EFCAB12: variants seen among roughly 807,000 people sequenced by gnomAD.
EFCAB12 encodes EF-hand calcium-binding domain-containing protein 12.
A neutral mutation model predicts 53.6 loss-of-function variants in EFCAB12; 43 were observed. That is an observed-to-expected ratio of 0.80 (90% CI 0.63 to 1.03). The LOEUF is 1.03. Ranked by LOEUF, EFCAB12 falls within the 50% of genes least tolerant of loss-of-function variation. The probability of loss-of-function intolerance (pLI) is 0.00; values close to 1 mark genes in which losing one functional copy is unlikely to be tolerated. For synonymous variants in EFCAB12, 269 were observed against 289.2 expected (o/e 0.93, Z 0.71); for missense variants, 646 against 730.6 (o/e 0.88, Z 1.34).
chr3:129,418,444 T>C lies in EFCAB12; in HGVS notation c.491A>G (p.Lys164Arg). The change falls in exon 3 of 9, where the codon AAA becomes AGA. Residue 164 changes from lysine (K) to arginine (R), a missense_variant. Transcript: ENST00000505956. ...SQATTRTTRK[K>R]APRLSRLSRQ... ...GGACAGCCGGGAGAGCCTGGGGGCT[T>C]TCTTCTGGAAGAGGTGAGAGGGTAG... The C allele has an allele frequency of 1.2e-6, 2 of 1,603,906 alleles. No homozygotes were observed. Among genetic ancestry groups the C allele is most frequent in the Admixed American group, 1.7e-5 (1 of 57,994 alleles).
chr3:129,404,467 C>T, intron 6 of EFCAB12, 64 bp from the exon 7 acceptor site: 2 of 1,456,736 alleles, frequency 1.4e-6, no homozygotes, highest in Non-Finnish European at 1.8e-6. Flanking sequence ...CCCTAAGCCT[C>T]TGGGGTCAGA....
Position 129,418,277 on chromosome 3 carries a change from C to G in EFCAB12, c.658G>C (p.Glu220Gln). The change falls in exon 3 of 9, where the codon GAG becomes CAG. Residue 220 changes from glutamate (E) to glutamine (Q), a missense_variant. By Grantham distance (29) the Glu-to-Gln change is conservative. Coordinates refer to ENST00000505956, the MANE Select transcript of EFCAB12 (RefSeq NM_207307.3). ...QGENQRITRE[E>Q]FIAAVKAVGV... is the part of the protein sequence containing the mutation. ...ACTGCCTTTACAGCCGCGATGAACT[C>G]CTCCCTGGTGATTCTCTGGTTCTCA... The G allele has an allele frequency of 6.2e-7, 1 of 1,612,408 alleles. No homozygotes were observed. The highest frequency in any genetic ancestry group is 8.5e-7 in the Non-Finnish European group (1 of 1,178,892).
chr3:129,418,495 C>T, intron 2 of EFCAB12, 47 bp from the exon 3 acceptor site: 2 of 1,519,698 alleles, frequency 1.3e-6, no homozygotes, highest in Non-Finnish European at 1.8e-6. Context: ...TCAAAGGAGA[C>T]AGGCCAGGCG....
At chr3:129,405,922 A>G (rs546617134) in intron 6 of EFCAB12, among the ~76,000 whole-genome samples, 1 of 152,196 alleles carries the variant, frequency 6.6e-6, no homozygotes, top group African/African-American at 2.4e-5. Context: ...AGCAGCTAGC[A>G]GAAGCCAGGG....
chr3:129,411,529 C>T, intron 4 of EFCAB12, 175 bp from the exon 5 acceptor site: 1 of 559,866 alleles, frequency 1.8e-6, no homozygotes, highest in African/African-American at 2.0e-5. Context: ...TAGATGTGGC[C>T]CTCCTCTCCA....
Position 129,401,860 on chromosome 3 carries a change from C to G in EFCAB12, c.1461-9G>C, listed in dbSNP as rs1336558182. 6.2e-7 allele frequency: 1 copy of G among 1,609,334 alleles called. No individual in the cohort carries two copies. The highest frequency in any genetic ancestry group is 1.3e-5 in the African/African-American group (1 of 75,010). On this transcript the variant is annotated splice_polypyrimidine_tract_variant and intron_variant, in intron 8 of 8. Transcript: ENST00000505956. ...TCTTCACCTTCAGCTTCCTGGAAAA[C>G]AAGAAGACACAGGGATGGTTGTCAT...
intron 6 of EFCAB12, among the ~76,000 whole-genome samples, chr3:129,405,377 G>A (rs908660685): frequency 2.0e-5 from 3 of 152,170 alleles, no homozygotes; most frequent in Non-Finnish European, 2.9e-5. Context: ...GAGAAGGAAG[G>A]AGAGGGAAGG....
chr3:129,404,736 G>A (rs2071926284), intron 6 of EFCAB12, among the ~76,000 whole-genome samples: 1 of 152,042 alleles, frequency 6.6e-6, no homozygotes, highest in Non-Finnish European at 1.5e-5. Context: ...AGCCCCCAAG[G>A]CCCCGGTGCA....
intron 1 of EFCAB12, 48 bp downstream of exon 1, chr3:129,428,392 C>T (rs1018260630): frequency 6.4e-7 from 1 of 1,572,490 alleles, no homozygotes; most frequent in Non-Finnish European, 8.6e-7. Context: ...TTTCACGCGT[C>T]CTTAGGGCGC....
Position 129,418,673 on chromosome 3 carries a change from G to T in EFCAB12, c.487-225C>A, listed in dbSNP as rs1328971041. The T allele has an allele frequency of 3.7e-5, 16 of 431,706 alleles. No homozygotes were observed. In the East Asian group the frequency reaches 5.4e-4, roughly 15 times the overall value. The allele number at this position is 431,706 out of a possible 1,614,324, so 26.7% of individuals were successfully genotyped here. A position where few individuals can be genotyped will look rare whatever the true frequency, so the allele number is the denominator to read the frequency against. ...CTCATCTGAAAAACACAAGGCTTGG[G>T]CAATATAGGAACTAAAATTTCATTC... On this transcript the variant is annotated intron_variant, in intron 2 of 8. Transcript: ENST00000505956.
intron 2 of EFCAB12, chr3:129,418,652 T>C (rs1025008653): frequency 4.5e-6 from 2 of 440,898 alleles, no homozygotes; most frequent in Non-Finnish European, 7.9e-6. Flanking sequence ...GGTTTTCTCA[T>C]CTGAAAAACA....
At chr3:129,408,580 T>C in intron 6 of EFCAB12, 65 bp downstream of exon 6, 1 of 1,512,932 alleles carries the variant, frequency 6.6e-7, no homozygotes, top group African/African-American at 1.4e-5. Context: ...CTGGGTGGCA[T>C]CACCCTCACC....
intron 8 of EFCAB12, 95 bp downstream of exon 8, chr3:129,402,428 C>A (rs1041319537): frequency 2.9e-6 from 4 of 1,359,286 alleles, no homozygotes; most frequent in Non-Finnish European, 4.1e-6. Flanking sequence ...CGAGCCCCAG[C>A]TGTTGTGCCA....
intron 4 of EFCAB12, chr3:129,412,519 T>A (rs2072059125): frequency 6.6e-6 from 1 of 152,294 alleles, no homozygotes; most frequent in Non-Finnish European, 1.5e-5. Flanking sequence ...TCCCTTGGCT[T>A]CCCACAGCAT....
Position 129,428,483 on chromosome 3 carries a change from G to A in EFCAB12, c.6C>T (p.Asp2=), listed in dbSNP as rs750894056. The change falls in exon 1 of 9, where the codon GAC becomes GAT. Residue 2 remains aspartate, a synonymous_variant. Coordinates refer to ENST00000505956, the MANE Select transcript of EFCAB12 (RefSeq NM_207307.3). M[D]DDYEAYHSLF... is the part of the protein sequence containing the mutation. ...GACTGTGGTACGCTTCATAGTCGTCGTCCATGGTCGTGGTGCTGGGAGGGG... is the reference window on the plus strand; with the variant it reads ...GACTGTGGTACGCTTCATAGTCGTCATCCATGGTCGTGGTGCTGGGAGGGG... 4 of 1,611,322 alleles carry A rather than the reference G, an allele frequency of 2.5e-6. No homozygotes were observed. Among genetic ancestry groups the A allele is most frequent in the Non-Finnish European group, 3.4e-6 (4 of 1,178,742 alleles).
chr3:129,425,986 T>C (rs2072265944), intron 1 of EFCAB12, among the ~76,000 whole-genome samples: 1 of 152,224 alleles, frequency 6.6e-6, no homozygotes, highest in African/African-American at 2.4e-5. Context: ...GTCCTCCCCA[T>C]GGATGTCCCA....
At chr3:129,420,300 C>T (rs572873267) in intron 2 of EFCAB12, among the ~76,000 whole-genome samples, 5 of 152,232 alleles carry the variant, frequency 3.3e-5, no homozygotes, top group Admixed American at 6.5e-5. Context: ...GACATCATAG[C>T]GACCCCAGGA....
chr3:129,402,386 G>A, intron 8 of EFCAB12, 137 bp downstream of exon 8: 1 of 936,056 alleles, frequency 1.1e-6, no homozygotes. Flanking sequence ...GGCCCTCTCT[G>A]TGTTGTGTCA....
At position 129,415,250 on chromosome 3, in the gene EFCAB12, C is replaced by G. The variant is rs749667443; in HGVS notation, c.833G>C (p.Arg278Thr). Residue 278 changes from arginine (R) to threonine (T), a missense_variant, in exon 4 of 9, where the codon AGG becomes ACG. Physicochemically the swap from Arg to Thr is moderately conservative, Grantham distance 71 (BLOSUM62 -1). Coordinates refer to ENST00000505956, the MANE Select transcript of EFCAB12 (RefSeq NM_207307.3). ...AQQRSSLATA[R>T]EHYILAKHRD... ...GGATGGGGAGGGGTACGCACGCTCCCTTGCAGTGGCCAGGCTGCTCCTTTG... is the reference window on the plus strand; with the variant it reads ...GGATGGGGAGGGGTACGCACGCTCCGTTGCAGTGGCCAGGCTGCTCCTTTG... 37 of 1,606,324 alleles carry G rather than the reference C, an allele frequency of 2.3e-5. No homozygotes were observed. The highest frequency in any genetic ancestry group is 8.5e-5 in the Admixed American group (5 of 59,060).
Sources: gnomAD v4.1 joint callset for allele counts (sites outside exome capture counted in the v4.1 genomes callset) on GRCh38, gnomAD v4.1.1 for gene constraint, MANE v1.5 for transcripts, NCBI Gene and HGNC (gene_info 2026-07-23, HGNC 2026-07-21) for gene names.